The following PCDH15 variants were observed in gnomAD, a reference collection of about 807,000 sequenced individuals.
The protein encoded by PCDH15 is protocadherin related 15, also known as protocadherin-15.
PCDH15 carries 129 observed loss-of-function variants against 178.5 expected under a neutral mutation model. The observed-to-expected ratio is 0.72, with a 90% CI of 0.63 to 0.84. The LOEUF (loss-of-function observed/expected upper bound fraction) is 0.84. Ranked by LOEUF, PCDH15 falls within the 40% of genes least tolerant of loss-of-function variation. The pLI is 0.00. For synonymous variants in PCDH15, 800 were observed against 732.0 expected (o/e 1.09, Z -1.50); for missense variants, 2,230 against 2,099.9 (o/e 1.06, Z -1.21).
intron 1 of PCDH15, among the ~76,000 whole-genome samples, chr10:55,207,477 T>A (rs1840433403): frequency 6.6e-6 from 1 of 152,146 alleles, no homozygotes; most frequent in Non-Finnish European, 1.5e-5. Context: ...CTAGAAACTC[T>A]GAATTTGTTG....
At chr10:55,471,614 T>A (rs1839956789) in intron 2 of PCDH15, among the ~76,000 whole-genome samples, 1 of 152,232 alleles carries the variant, frequency 6.6e-6, no homozygotes, top group Admixed American at 6.5e-5. Context: ...TTGGCTAGTC[T>A]GGTCTCGAAC....
At chr10:55,131,811 G>C (rs182904065) in intron 2 of PCDH15, among the ~76,000 whole-genome samples, 2 of 152,068 alleles carry the variant, frequency 1.3e-5, no homozygotes, top group Admixed American at 1.3e-4. Flanking sequence ...CATGCTGATT[G>C]GTCTATAGGC....
At chr10:54,830,115 GA>G (rs925673402) in intron 3 of PCDH15, among the ~76,000 whole-genome samples, 4 of 151,910 alleles carry the variant, frequency 2.6e-5, no homozygotes, top group Non-Finnish European at 4.4e-5. Flanking sequence ...TATTAACATA[GA>G]AAAAATGTAA....
intron 1 of PCDH15, among the ~76,000 whole-genome samples, chr10:54,740,811 T>TA (rs1944695897): frequency 6.6e-6 from 1 of 151,954 alleles, no homozygotes; most frequent in Non-Finnish European, 1.5e-5. Flanking sequence ...ATGCGGGAGC[T>TA]AAAAAACTTG....
chr10:54,866,929 C>G (rs2131788211), intron 3 of PCDH15, among the ~76,000 whole-genome samples: 1 of 152,216 alleles, frequency 6.6e-6, no homozygotes, highest in South Asian at 2.1e-4. Flanking sequence ...AGGAATATTT[C>G]TTGTTTGATG....
chr10:54,980,023 C>T (rs566976046), intron 2 of PCDH15, among the ~76,000 whole-genome samples: 37 of 152,078 alleles, frequency 2.4e-4, no homozygotes, highest in Non-Finnish European at 5.1e-4. Context: ...TCTGCAATTG[C>T]TCTCCTTAAC....
intron 3 of PCDH15, among the ~76,000 whole-genome samples, chr10:54,817,174 T>G (rs1366529925): frequency 1.3e-5 from 2 of 151,944 alleles, no homozygotes; most frequent in Admixed American, 6.6e-5. Flanking sequence ...AAATTTTCAG[T>G]AAAATCAGTC....
chr10:54,046,472 T>A (rs1454936565), intron 18 of PCDH15, among the ~76,000 whole-genome samples: 4 of 152,108 alleles, frequency 2.6e-5, no homozygotes, highest in Admixed American at 1.3e-4. Flanking sequence ...GGTAGAAATG[T>A]GGCTGAATAG....
intron 1 of PCDH15, among the ~76,000 whole-genome samples, chr10:54,791,242 A>T (rs893382152): frequency 1.3e-5 from 2 of 151,956 alleles, no homozygotes; most frequent in African/African-American, 4.8e-5. Flanking sequence ...CAAGTAGTCC[A>T]GATAGGTCAA....
intron 21 of PCDH15, among the ~76,000 whole-genome samples, chr10:53,968,909 G>GCAGAAAAGTTGAAATTCTAAAAAT (rs1220081188): frequency 6.6e-6 from 1 of 152,162 alleles, no homozygotes; most frequent in East Asian, 1.9e-4. Flanking sequence ...AGAAACCAGA[G>GCAGAAAAGTTGAAATTCTAAAAAT]CAGAAAAGTT....
In PCDH15 at chr10:54,066,867, T is replaced by A. The variant is rs2094145350; in HGVS notation, c.2110A>T (p.Asn704Tyr). 4 of 1,613,336 alleles carry A rather than the reference T, an allele frequency of 2.5e-6. No individual in the cohort carries two copies. The highest frequency in any genetic ancestry group is 3.4e-6 in the Non-Finnish European group (4 of 1,179,502). ...TCATTGACATCTGTCACCACTATGT[T>A]TACTGTGGCAGTTGAGGTCTTAAAG... ...RPDGTSTATV[N>Y]IVVTDVNDNA... is the part of the protein sequence containing the mutation. Residue 704 changes from asparagine (N) to tyrosine (Y), a missense_variant, in exon 18 of 38, where the codon AAC becomes TAC. Physicochemically the swap from Asn to Tyr is moderately radical, Grantham distance 143 (BLOSUM62 -2). Coordinates refer to ENST00000644397, the MANE Select transcript of PCDH15 (RefSeq NM_001384140.1).
intron 25 of PCDH15, among the ~76,000 whole-genome samples, chr10:53,931,515 C>T (rs565657060): frequency 2.0e-5 from 3 of 152,112 alleles, no homozygotes; most frequent in South Asian, 2.1e-4. Context: ...AAACTTCTGT[C>T]GTTGCGCAGA....
chr10:54,926,832 T>A (rs1426557259), intron 2 of PCDH15, among the ~76,000 whole-genome samples: 1 of 152,042 alleles, frequency 6.6e-6, no homozygotes, highest in African/African-American at 2.4e-5. Flanking sequence ...TTTATTTGGA[T>A]CTGTTTACTT....
chr10:55,462,260 G>C (rs1839696243), intron 2 of PCDH15, among the ~76,000 whole-genome samples: 1 of 152,016 alleles, frequency 6.6e-6, no homozygotes, highest in Admixed American at 6.6e-5. Context: ...CCAAACTTGG[G>C]TTACAAATCA....
intron 2 of PCDH15, among the ~76,000 whole-genome samples, chr10:55,138,654 C>G (rs377015487): frequency 3.9e-5 from 6 of 152,162 alleles, no homozygotes; most frequent in African/African-American, 1.4e-4. Flanking sequence ...ATATAAAATA[C>G]ACTGCAATGA....
At chr10:55,266,054 G>A (rs1842285874) in intron 1 of PCDH15, among the ~76,000 whole-genome samples, 1 of 152,116 alleles carries the variant, frequency 6.6e-6, no homozygotes, top group Non-Finnish European at 1.5e-5. Flanking sequence ...CCCATAGAAG[G>A]TTTAATACCT....
intron 2 of PCDH15, among the ~76,000 whole-genome samples, chr10:55,034,271 T>A (rs1434929716): frequency 6.6e-6 from 1 of 152,148 alleles, no homozygotes; most frequent in Admixed American, 6.5e-5. Flanking sequence ...ATAAAAATAA[T>A]ACTTTTTCCT....
At chr10:54,633,611 A>G (rs1447279283) in intron 2 of PCDH15, among the ~76,000 whole-genome samples, 1 of 152,030 alleles carries the variant, frequency 6.6e-6, no homozygotes, top group East Asian at 1.9e-4. Flanking sequence ...CTGGAGGAAA[A>G]AAGGTTTGAT....
chr10:54,223,368 T>C (rs1046800761), intron 9 of PCDH15, among the ~76,000 whole-genome samples: 3 of 145,822 alleles, frequency 2.1e-5, no homozygotes, highest in Admixed American at 7.0e-5. Flanking sequence ...TCTTTACCAA[T>C]ATTATCTTTT....
Sources: allele counts gnomAD v4.1 joint callset (sites outside exome capture counted in the v4.1 genomes callset), GRCh38; gene constraint gnomAD v4.1.1; transcripts MANE v1.5; gene names NCBI Gene and HGNC (gene_info 2026-07-23, HGNC 2026-07-21).